The following PNISR variants were observed in gnomAD, a reference collection of about 807,000 sequenced individuals.
The protein encoded by PNISR is arginine/serine-rich protein PNISR.
Under a neutral mutation model 93.4 loss-of-function variants are expected in PNISR, and 20 were observed. The observed-to-expected ratio is 0.21, with a 90% CI of 0.15 to 0.31. The LOEUF (loss-of-function observed/expected upper bound fraction) is 0.31, where lower values mean the gene tolerates loss of function less well. PNISR is among the 10% of genes least tolerant of loss of function. The probability of loss-of-function intolerance (pLI) is 1.00; values close to 1 mark genes in which losing one functional copy is unlikely to be tolerated. For synonymous variants in PNISR, 305 were observed against 306.5 expected, an observed-to-expected ratio of 0.99 and a Z score of 0.05; for missense variants, 893 against 985.4, an observed-to-expected ratio of 0.91 and a Z score of 1.25.
chr6:99,408,365 T>C, intron 6 of PNISR, 94 bp from the exon 7 acceptor site: 1 of 837,330 alleles, frequency 1.2e-6, no homozygotes, highest in Non-Finnish European at 1.9e-6. Context: ...TTAAATATCA[T>C]GCCTTTCTTC....
At chr6:99,419,241 T>C (rs1328240650) in intron 1 of PNISR, among the ~76,000 whole-genome samples, 1 of 146,414 alleles carries the variant, frequency 6.8e-6, no homozygotes, top group Non-Finnish European at 1.5e-5. Context: ...CACATCCCTC[T>C]GACCCAGCAA....
In PNISR at chr6:99,422,497, G is replaced by A. The variant is rs561323216; in HGVS notation, c.-112+2718C>T. Among the ~76,000 whole-genome samples the A allele has an allele frequency of 8.5e-5, 13 of 152,220 alleles. No individual in the cohort carries two copies. The East Asian group carries it at 2.1e-3, about 25-fold the overall frequency. On this transcript the variant is annotated intron_variant, in intron 1 of 11. Coordinates refer to ENST00000369239, the MANE Select transcript of PNISR (RefSeq NM_032870.4). ...TTAATCTTGTAATCATTCGAAATAC[G>A]GAAAACAGAAATTTTGCTACTTTAT...
At position 99,401,717 on chromosome 6, in the gene PNISR, T is replaced by C. The variant is rs144570592; in HGVS notation, c.1328-87A>G. ...ATGTCAAGCTACCAGACTGTAACAA[T>C]AGAACACCATTTTCAATAGAATTAC... On this transcript the variant is annotated intron_variant, in intron 11 of 11. Coordinates refer to ENST00000369239, the MANE Select transcript of PNISR (RefSeq NM_032870.4). 1.2e-4 allele frequency: 117 copies of C among 991,160 alleles called. No individual in the cohort carries two copies. In the African/African-American group the frequency reaches 1.5e-3, roughly 13 times the overall value. The allele number at this position is 991,160 out of a possible 1,614,324, so 61.4% of individuals were successfully genotyped here. A position where few individuals can be genotyped will look rare whatever the true frequency, so the allele number is the denominator to read the frequency against.
Position 99,408,178 on chromosome 6 carries a change from A to G in PNISR, c.767T>C (p.Met256Thr). 1.2e-6 allele frequency: 2 copies of G among 1,612,548 alleles called. No individual in the cohort carries two copies. The highest frequency in any genetic ancestry group is 1.7e-6 in the Non-Finnish European group (2 of 1,179,000). ...GGACAATTGTGAACGTTGTTGTTCC[A>G]TTCTTTCTTTCTCCAATTTCTTCTG... ...EKQKKLEKERMEQQRSQLSKK... is the reference protein window; with the variant it reads ...EKQKKLEKERTEQQRSQLSKK... The change falls in exon 7 of 12, where the codon ATG becomes ACG. Residue 256 changes from methionine to threonine, a missense_variant. This residue lies in a region of PNISR where 866 missense variants were observed against 935.1 expected (regional missense o/e 0.93). Transcript: ENST00000369239.
chr6:99,418,616 A>G (rs1483642364), intron 1 of PNISR, among the ~76,000 whole-genome samples: 1 of 152,206 alleles, frequency 6.6e-6, no homozygotes, highest in Non-Finnish European at 1.5e-5. Flanking sequence ...GGAAGCTACT[A>G]TTCAAGTAAT....
intron 1 of PNISR, among the ~76,000 whole-genome samples, chr6:99,417,709 T>G (rs1264505970): frequency 6.6e-6 from 1 of 152,128 alleles, no homozygotes; most frequent in Non-Finnish European, 1.5e-5. Flanking sequence ...CTCACGTGTG[T>G]AATCCCAGCA....
At chr6:99,402,485 A>C (rs1212447911) in intron 11 of PNISR, 55 bp downstream of exon 11, 3 of 1,283,548 alleles carry the variant, frequency 2.3e-6, no homozygotes, top group East Asian at 4.7e-5. Context: ...GTTAGTTAAA[A>C]AATAAAAAGA....
At position 99,406,034 on chromosome 6, in the gene PNISR, T is replaced by A; in HGVS notation, c.999A>T (p.Gln333His). 6.2e-7 allele frequency: 1 copy of A among 1,603,634 alleles called. No individual in the cohort carries two copies. Among genetic ancestry groups the A allele is most frequent in the South Asian group, 1.1e-5 (1 of 89,314 alleles). ...AGTAAGAACTTTAACATTCTACCAT[T>A]TGATACTCTTTCTCCTCTTCAGTCA... ...PEMTEEEKEY[Q>H]MMLLTKMLLT... The change falls in exon 8 of 12, where the codon CAA becomes CAT. Residue 333 changes from glutamine (Q) to histidine (H), a missense_variant. Gln to His is a conservative substitution (Grantham distance 24). This residue lies in a region of PNISR where 866 missense variants were observed against 935.1 expected (regional missense o/e 0.93). Coordinates refer to ENST00000369239, the MANE Select transcript of PNISR (RefSeq NM_032870.4).
chr6:99,404,311 T>C (rs765055754), intron 9 of PNISR: 1 of 427,846 alleles, frequency 2.3e-6, no homozygotes, highest in Non-Finnish European at 4.3e-6. Flanking sequence ...CAATGCCATG[T>C]TATCTATTAA....
chr6:99,404,686 A>AT lies in PNISR; in HGVS notation c.1018dup (p.Met340AsnfsTer13). ...ATCCAGCAGAATTTCTGTTAGAAGC[A>AT]TTTTTGTCAGCAACATCTAAAAAAG... On this transcript the variant is annotated frameshift_variant, in exon 9 of 12. Coordinates refer to ENST00000369239, the MANE Select transcript of PNISR (RefSeq NM_032870.4). LOFTEE classifies it high-confidence loss of function. The AT allele has an allele frequency of 6.3e-7, 1 of 1,588,316 alleles. No homozygotes were observed. The highest frequency in any genetic ancestry group is 8.6e-7 in the Non-Finnish European group (1 of 1,156,984).
At position 99,421,348 on chromosome 6, in the gene PNISR, T is replaced by C. The variant is rs539731630; in HGVS notation, c.-112+3867A>G. The stretch of plus-strand genomic sequence containing the variant: ...TGTTATGGAATGAATTGTGTCCCCA[T>C]CCAACAGATACACTGAAGTCCTAAC... On this transcript the variant is annotated intron_variant, in intron 1 of 11. Coordinates refer to ENST00000369239, the MANE Select transcript of PNISR (RefSeq NM_032870.4). 5.3e-5 allele frequency among the ~76,000 whole-genome samples: 8 copies of C among 152,294 alleles called. No individual in the cohort carries two copies. The South Asian group carries it at 1.7e-3, about 32-fold the overall frequency.
At chr6:99,422,463 T>G (rs1778689959) in intron 1 of PNISR, among the ~76,000 whole-genome samples, 1 of 152,234 alleles carries the variant, frequency 6.6e-6, no homozygotes, top group Non-Finnish European at 1.5e-5. Flanking sequence ...GAAATGGCAC[T>G]GGTAAAAATT....
intron 1 of PNISR, among the ~76,000 whole-genome samples, chr6:99,421,947 C>T (rs148112162): frequency 9.2e-5 from 14 of 151,670 alleles, no homozygotes; most frequent in African/African-American, 3.4e-4. Flanking sequence ...CTTACGGCAA[C>T]CTCCACCTCC....
At chr6:99,422,052 G>C (rs2128497543) in intron 1 of PNISR, among the ~76,000 whole-genome samples, 1 of 152,022 alleles carries the variant, frequency 6.6e-6, no homozygotes, top group East Asian at 1.9e-4. Context: ...TTTTTAGTAG[G>C]GATGGAGTTT....
At chr6:99,413,391 TATCCATCCATCCATCCATCC>T (rs34008318) in intron 3 of PNISR, among the ~76,000 whole-genome samples, 7 of 149,616 alleles carry the variant, frequency 4.7e-5, no homozygotes, top group South Asian at 2.1e-4. Context: ...TTTACGTATC[TATCCATCCATCCATCCATCC>T]ATCCATCCAT....
Position 99,425,249 on chromosome 6 carries a change from T to A in PNISR, c.-146A>T. 8.1e-7 allele frequency: 1 copy of A among 1,232,194 alleles called. No individual in the cohort carries two copies. The allele number at this position is 1,232,194 out of a possible 1,614,324, so 76.3% of individuals were successfully genotyped here. On this transcript the variant is annotated 5_prime_UTR_variant, in exon 1 of 12. Coordinates refer to ENST00000369239, the MANE Select transcript of PNISR (RefSeq NM_032870.4). ...TTCGGGAACACCCTTGTCGCCGCCG[T>A]TCCGGTAACACCTCTCCAACGCTTT... is the stretch of plus-strand genomic sequence containing the variant.
chr6:99,401,242 C>T lies in PNISR; in HGVS notation c.1716G>A (p.Arg572=), dbSNP rs755040225. The T allele has an allele frequency of 1.2e-6, 2 of 1,614,054 alleles. No homozygotes were observed. The highest frequency in any genetic ancestry group is 2.2e-5 in the South Asian group (2 of 91,076). The part of the protein sequence containing the change: ...RSPTIKARRS[R]SRSYSRRIKI... Reference sequence around the variant, plus strand: ...TAATTCTGCGAGAATAGCTTCTACTCCTGCTACGTCTAGCTTTGATTGTTG... The same window carrying T: ...TAATTCTGCGAGAATAGCTTCTACTTCTGCTACGTCTAGCTTTGATTGTTG... The change falls in exon 12 of 12, where the codon AGG becomes AGA. Residue 572 remains arginine, a synonymous_variant. Coordinates refer to ENST00000369239, the MANE Select transcript of PNISR (RefSeq NM_032870.4).
At position 99,401,473 on chromosome 6, in the gene PNISR, T is replaced by C; in HGVS notation, c.1485A>G (p.Pro495=). The change falls in exon 12 of 12, where the codon CCA becomes CCG. Residue 495 remains proline (P), a synonymous_variant. Transcript: ENST00000369239. ...TTTCTTTTTCTTTATGCTCTTTTTT[T>C]GGTTCTAAAACTGATGTGGTTTCAT... The part of the protein sequence containing the change: ...TPNETTSVLE[P]KKEHKEKEKQ... 1 of 1,611,734 alleles carries C rather than the reference T, an allele frequency of 6.2e-7. No individual in the cohort carries two copies. Among genetic ancestry groups the C allele is most frequent in the Admixed American group, 1.7e-5 (1 of 59,426 alleles).
Position 99,399,974 on chromosome 6 carries a change from A to G in PNISR, c.*566T>C, listed in dbSNP as rs1775263851. 2 of 152,244 alleles carry G rather than the reference A, an allele frequency of 1.3e-5. No homozygotes were observed. 9.4% of individuals were successfully genotyped at this position (152,244 alleles called of 1,614,324 possible). A position where few individuals can be genotyped will look rare whatever the true frequency, so the allele number is the denominator to read the frequency against. The stretch of plus-strand genomic sequence containing the variant: ...ATTAAGGTGCAAGAGTTTAACAAAA[A>G]TGAACTAAAGAGCTTTATTGACATC... On this transcript the variant is annotated 3_prime_UTR_variant, in exon 12 of 12. Transcript: ENST00000369239.
Sources: gnomAD v4.1 joint callset for allele counts (sites outside exome capture counted in the v4.1 genomes callset) on GRCh38, gnomAD v4.1.1 for gene constraint, gnomAD v4.1.1 regional missense constraint, MANE v1.5 for transcripts, NCBI Gene and HGNC (gene_info 2026-07-23, HGNC 2026-07-21) for gene names.